Variants in ZPBP observed in about 807,000 individuals in gnomAD.
ZPBP encodes the protein zona pellucida-binding protein 1.
Under a neutral mutation model 44.8 loss-of-function variants are expected in ZPBP, and 26 were observed. The observed-to-expected ratio is 0.58, with a 90% CI of 0.43 to 0.81. The LOEUF is 0.81. ZPBP is among the 30% of genes least tolerant of loss of function. ZPBP has a pLI of 0.00. For missense variants in ZPBP, 409 were observed against 434.0 expected, an observed-to-expected ratio of 0.94 and a Z score of 0.51; for synonymous variants, 174 against 153.2, an observed-to-expected ratio of 1.14 and a Z score of -1.00.
chr7:49,892,202 G>A (rs912578580), intron 2 of ZPBP, among the ~76,000 whole-genome samples: 5 of 151,204 alleles, frequency 3.3e-5, no homozygotes, highest in South Asian at 2.1e-4. Context: ...CCACCATCAC[G>A]CCCGGCTAAT....
At chr7:49,873,906 T>TA (rs11326386) in intron 2 of ZPBP, among the ~76,000 whole-genome samples, 3,278 of 146,480 alleles carry the variant, frequency 0.022, 129 homozygotes, top group African/African-American at 0.076. Context: ...TATAATTAAG[T>TA]AAAAAAAAAA....
intron 1 of ZPBP, chr7:49,918,386 T>C (rs1009334339): frequency 6.6e-6 from 1 of 152,186 alleles, no homozygotes; most frequent in Admixed American, 6.5e-5. Context: ...ATAAATAAGA[T>C]AATGAATAGC....
At chr7:49,894,088 G>A (rs767182601) in intron 2 of ZPBP, among the ~76,000 whole-genome samples, 4 of 152,076 alleles carry the variant, frequency 2.6e-5, no homozygotes, top group African/African-American at 7.2e-5. Flanking sequence ...TATGTGTGTC[G>A]TTTCTAGGCT....
Position 50,040,963 on chromosome 7 carries a change from T to G in ZPBP, c.488-9653A>C, listed in dbSNP as rs565986943. Among the ~76,000 whole-genome samples, 11 of 152,240 alleles carry G rather than the reference T, an allele frequency of 7.2e-5. No individual in the cohort carries two copies. In the South Asian group the frequency reaches 1.9e-3, roughly 26 times the overall value. On this transcript the variant is annotated intron_variant, in intron 4 of 7. Transcript: ENST00000046087. ...TGAGGTCGACCTGGGATGCTCAAGC[T>G]TGGTGGGGGGAGGGGCATCTGCCAT...
At chr7:50,001,960 AGT>A (rs1262218720) in intron 6 of ZPBP, among the ~76,000 whole-genome samples, 7 of 152,144 alleles carry the variant, frequency 4.6e-5, no homozygotes, top group Non-Finnish European at 1.0e-4. Context: ...GCTGCAATGC[AGT>A]GGCGCAACCG....
At chr7:50,090,953 A>G (rs1364104727) in intron 1 of ZPBP, among the ~76,000 whole-genome samples, 1 of 151,034 alleles carries the variant, frequency 6.6e-6, no homozygotes, top group Non-Finnish European at 1.5e-5. Context: ...TTCCCTTTTC[A>G]CTGCATCCAC....
intron 2 of ZPBP, among the ~76,000 whole-genome samples, chr7:49,893,024 C>A (rs939851475): frequency 4.6e-5 from 7 of 152,142 alleles, no homozygotes; most frequent in African/African-American, 1.7e-4. Flanking sequence ...AAACAGGTTA[C>A]CTTTTGCTAT....
chr7:50,028,297 CAT>C (rs1214893087), intron 5 of ZPBP, among the ~76,000 whole-genome samples: 1 of 148,750 alleles, frequency 6.7e-6, no homozygotes, highest in Non-Finnish European at 1.5e-5. Context: ...AAAAAAAACA[CAT>C]GATAATCTCA....
rs1244320 is a variant in ZPBP, at chr7:49,985,540, G to T, written c.784-2021C>A. Among the ~76,000 whole-genome samples the T allele has an allele frequency of 3.9e-3, 585 of 150,932 alleles. 2 individuals are homozygous for T. The highest frequency in any genetic ancestry group is 0.014 in the African/African-American group (559 of 40,986). On this transcript the variant is annotated intron_variant, in intron 6 of 7. Coordinates refer to ENST00000046087, the MANE Select transcript of ZPBP (RefSeq NM_007009.3). ...CAAAATATGTGTTATGAAATTAATT[G>T]CATTTAAATTTGAGACTATAATTAA...
At chr7:49,891,110 T>A (rs1792107728) in intron 2 of ZPBP, among the ~76,000 whole-genome samples, 1 of 152,236 alleles carries the variant, frequency 6.6e-6, no homozygotes, top group Non-Finnish European at 1.5e-5. Context: ...CTCCATATTC[T>A]GCTTTCAAGG....
intron 2 of ZPBP, among the ~76,000 whole-genome samples, chr7:49,895,970 T>C (rs1234263980): frequency 6.6e-6 from 1 of 152,170 alleles, no homozygotes; most frequent in Non-Finnish European, 1.5e-5. Flanking sequence ...CAGGTAGTCA[T>C]GAGTGATATA....
chr7:50,065,749 C>T (rs182687986), intron 3 of ZPBP, among the ~76,000 whole-genome samples: 3 of 150,992 alleles, frequency 2.0e-5, no homozygotes, highest in African/African-American at 7.3e-5. Flanking sequence ...ATGGGAGAAG[C>T]TCAGGCACTG....
chr7:50,079,122 A>T (rs1802245204), intron 3 of ZPBP, among the ~76,000 whole-genome samples: 1 of 151,604 alleles, frequency 6.6e-6, no homozygotes, highest in Non-Finnish European at 1.5e-5. Flanking sequence ...ATATAAATAC[A>T]ACACATTTAA....
chr7:49,991,138 G>C (rs1797553338), intron 6 of ZPBP, among the ~76,000 whole-genome samples: 1 of 152,120 alleles, frequency 6.6e-6, no homozygotes. Context: ...TTTTAAAAAG[G>C]AGATGGAAAC....
intron 3 of ZPBP, among the ~76,000 whole-genome samples, chr7:50,069,490 A>G (rs931756087): frequency 8.5e-5 from 13 of 152,130 alleles, no homozygotes; most frequent in African/African-American, 3.1e-4. Context: ...CTAGGTCTGA[A>G]TGCCTTGGAT....
chr7:49,998,388 T>G (rs867354875), intron 6 of ZPBP, among the ~76,000 whole-genome samples: 24 of 152,222 alleles, frequency 1.6e-4, no homozygotes, highest in African/African-American at 4.8e-4. Flanking sequence ...ATTTATGTGA[T>G]ACTTGAGCCG....
intron 1 of ZPBP, chr7:49,918,140 A>G (rs1396051711): frequency 6.6e-6 from 1 of 152,184 alleles, no homozygotes; most frequent in Non-Finnish European, 1.5e-5. Context: ...ATTTAACCTC[A>G]CAGTTCTCCC....
chr7:50,045,229 A>G (rs1584109920), intron 4 of ZPBP, among the ~76,000 whole-genome samples: 1 of 152,230 alleles, frequency 6.6e-6, no homozygotes, highest in South Asian at 2.1e-4. Flanking sequence ...ATTCCCTTTG[A>G]AAACTGGCAC....
At chr7:49,936,252 C>G (rs1026435280), downstream of ZPBP, 1 of 152,132 alleles carries the variant, frequency 6.6e-6, no homozygotes, top group African/African-American at 2.4e-5. Flanking sequence ...TGAAAAACAT[C>G]TCTAAACCGT....
Sources: allele counts gnomAD v4.1 joint callset (sites outside exome capture counted in the v4.1 genomes callset), GRCh38; gene constraint gnomAD v4.1.1; transcripts MANE v1.5; gene names NCBI Gene and HGNC (gene_info 2026-07-23, HGNC 2026-07-21).